SORCS2: variants seen among roughly 807,000 people sequenced by gnomAD.
SORCS2 encodes VPS10 domain-containing receptor SorCS2.
In SORCS2, 100 loss-of-function variants were observed where a neutral mutation model predicts 141.6. That is an observed-to-expected ratio of 0.71 (90% CI 0.60 to 0.83). The LOEUF (loss-of-function observed/expected upper bound fraction) is 0.83, where lower values mean the gene tolerates loss of function less well. SORCS2 is among the 40% of genes least tolerant of loss of function. The probability of loss-of-function intolerance (pLI) is 0.00; values close to 1 mark genes in which losing one functional copy is unlikely to be tolerated. For missense variants in SORCS2, 1,646 were observed against 1,560.2 expected, an observed-to-expected ratio of 1.05 and a Z score of -0.93; for synonymous variants, 789 against 676.9, an observed-to-expected ratio of 1.17 and a Z score of -2.57.
intron 3 of SORCS2, among the ~76,000 whole-genome samples, chr4:7,611,684 G>A (rs7699212): frequency 0.98 from 149,684 of 152,344 alleles, 73,596 homozygotes; most frequent in East Asian, 1. Context: ...AATGCTTGGG[G>A]AAAAATTCAA....
intron 2 of SORCS2, among the ~76,000 whole-genome samples, chr4:7,506,907 A>C (rs1393790490): frequency 6.6e-6 from 1 of 152,162 alleles, no homozygotes; most frequent in Non-Finnish European, 1.5e-5. Context: ...TTAAAATGAT[A>C]CCAACCTATT....
At chr4:7,375,141 T>C (rs1232029021) in intron 1 of SORCS2, among the ~76,000 whole-genome samples, 4 of 152,176 alleles carry the variant, frequency 2.6e-5, no homozygotes, top group Non-Finnish European at 5.9e-5. Context: ...GACTCTCCCC[T>C]GCATCACCCT....
rs761304361 is a variant in SORCS2 at position 7,653,641 on chromosome 4, G to A, written c.814-493G>A. Among the ~76,000 whole-genome samples, 6 of 152,282 alleles carry A rather than the reference G, an allele frequency of 3.9e-5. No individual in the cohort carries two copies. In the South Asian group the frequency reaches 1.2e-3, roughly 32 times the overall value. ...AGCTAGGTCCCTGGGCGATGGCACT[G>A]GTCATACGCTGTGAGGCTGGCCCTG... On this transcript the variant is annotated intron_variant, in intron 4 of 26. Coordinates refer to ENST00000507866, the MANE Select transcript of SORCS2 (RefSeq NM_020777.3).
At chr4:7,379,732 C>G (rs1252878277) in intron 1 of SORCS2, among the ~76,000 whole-genome samples, 1 of 152,172 alleles carries the variant, frequency 6.6e-6, no homozygotes, top group South Asian at 2.1e-4. Flanking sequence ...AGGCAAGGGA[C>G]TCACTGGGAA....
intron 3 of SORCS2, among the ~76,000 whole-genome samples, chr4:7,602,618 G>C (rs576543694): frequency 1.3e-5 from 2 of 148,686 alleles, no homozygotes; most frequent in Non-Finnish European, 1.5e-5. Context: ...GGGAAGAGGC[G>C]CTCCTCACTT....
At chr4:7,328,775 G>A in intron 1 of SORCS2, among the ~76,000 whole-genome samples, 1 of 152,222 alleles carries the variant, frequency 6.6e-6, no homozygotes, top group East Asian at 1.9e-4. Context: ...CCCAGTCTGT[G>A]GCCCCGACCA....
At chr4:7,421,547 A>G (rs1248579665) in intron 2 of SORCS2, among the ~76,000 whole-genome samples, 1 of 152,166 alleles carries the variant, frequency 6.6e-6, no homozygotes, top group East Asian at 1.9e-4. Flanking sequence ...ATCGTCGTTC[A>G]TGGTCATTCT....
intron 2 of SORCS2, among the ~76,000 whole-genome samples, chr4:7,463,752 C>T (rs906760844): frequency 2.0e-4 from 31 of 152,174 alleles, no homozygotes; most frequent in Admixed American, 1.9e-3. Context: ...TCTGGAGCAC[C>T]GCGCCGTGCA....
intron 14 of SORCS2, among the ~76,000 whole-genome samples, chr4:7,706,648 G>C (rs1327565112): frequency 8.8e-5 from 13 of 148,064 alleles, no homozygotes; most frequent in African/African-American, 3.0e-4. Context: ...ATGAGGCTGG[G>C]CTCTGCCTGG....
chr4:7,515,618 C>T (rs1253191645), intron 2 of SORCS2, among the ~76,000 whole-genome samples: 3 of 152,168 alleles, frequency 2.0e-5, no homozygotes, highest in Admixed American at 6.5e-5. Flanking sequence ...TGCTGCCGCT[C>T]GGAACCCACC....
chr4:7,605,287 G>C (rs950640011), intron 3 of SORCS2, among the ~76,000 whole-genome samples: 1 of 152,234 alleles, frequency 6.6e-6, no homozygotes, highest in African/African-American at 2.4e-5. Context: ...GTTTCACACA[G>C]AACTCCTGCT....
intron 2 of SORCS2, among the ~76,000 whole-genome samples, chr4:7,497,206 T>C (rs921000789): frequency 2.6e-5 from 4 of 152,196 alleles, no homozygotes; most frequent in Non-Finnish European, 4.4e-5. Flanking sequence ...TGTTGGTGCA[T>C]TTAAGGGCTA....
At chr4:7,394,147 T>C (rs1577493982) in intron 1 of SORCS2, among the ~76,000 whole-genome samples, 1 of 151,654 alleles carries the variant, frequency 6.6e-6, no homozygotes, top group South Asian at 2.1e-4. Flanking sequence ...TGGAAGGGGG[T>C]CCTCTTGATG....
At chr4:7,731,804 G>A (rs1711710290) in intron 23 of SORCS2, among the ~76,000 whole-genome samples, 1 of 152,188 alleles carries the variant, frequency 6.6e-6, no homozygotes, top group Non-Finnish European at 1.5e-5. Context: ...ACAAAATCCA[G>A]CTCAGAGTGG....
In SORCS2 at chr4:7,201,024, A is replaced by T. The variant is rs1312198316; in HGVS notation, c.480+7898A>T. Among the ~76,000 whole-genome samples the T allele has an allele frequency of 6.6e-6, 1 of 152,210 alleles. No homozygotes were observed. The highest frequency in any genetic ancestry group is 2.1e-4 in the South Asian group (1 of 4,816). On this transcript the variant is annotated intron_variant, in intron 1 of 26. Transcript: ENST00000507866. This position sits in a 1 kb window ranked among gnomAD's most constrained non-coding sequence, Gnocchi z 4.4. ...TGAGGATTCAGTGAGGGGCCAAGTC[A>T]AACTTGGCCCCTGCGCGGGTGAAAT...
chr4:7,534,247 G>T (rs1278413843), intron 3 of SORCS2, among the ~76,000 whole-genome samples: 2 of 152,188 alleles, frequency 1.3e-5, no homozygotes, highest in South Asian at 2.1e-4. Flanking sequence ...GTTTGCCTGG[G>T]TGCAGACACT....
At chr4:7,544,855 G>T (rs1270951464) in intron 3 of SORCS2, among the ~76,000 whole-genome samples, 1 of 152,190 alleles carries the variant, frequency 6.6e-6, no homozygotes, top group Non-Finnish European at 1.5e-5. Context: ...CCTGTGAGGG[G>T]TGGGAGCCCC....
At chr4:7,576,448 C>A (rs930290908) in intron 3 of SORCS2, among the ~76,000 whole-genome samples, 3 of 152,220 alleles carry the variant, frequency 2.0e-5, no homozygotes, top group African/African-American at 7.2e-5. Flanking sequence ...AAGCAAGTCA[C>A]AACAGCCATC....
At chr4:7,620,932 GC>G (rs1312078459) in intron 3 of SORCS2, among the ~76,000 whole-genome samples, 1 of 152,102 alleles carries the variant, frequency 6.6e-6, no homozygotes, top group Non-Finnish European at 1.5e-5. Context: ...GCCCCCGAGT[GC>G]CCCCCAAGTG....
Sources: allele counts gnomAD v4.1 joint callset (sites outside exome capture counted in the v4.1 genomes callset), GRCh38; gene constraint gnomAD v4.1.1; non-coding constraint Gnocchi (gnomAD v3.1); transcripts MANE v1.5; gene names NCBI Gene and HGNC (gene_info 2026-07-23, HGNC 2026-07-21).